The following SLC7A9 variants were observed in gnomAD, a reference collection of about 807,000 sequenced individuals.
The protein encoded by SLC7A9 is B(0,+)-type amino acid transporter 1.
Under a neutral mutation model 54.1 loss-of-function variants are expected in SLC7A9, and 38 were observed. The observed-to-expected ratio is 0.70, with a 90% CI of 0.54 to 0.92. The LOEUF is 0.92. SLC7A9 is among the 40% of genes least tolerant of loss of function. The probability of loss-of-function intolerance (pLI) is 0.00; values close to 1 mark genes in which losing one functional copy is unlikely to be tolerated. For synonymous variants in SLC7A9, 264 were observed against 258.9 expected (o/e 1.02, Z -0.19); for missense variants, 537 against 636.1 (o/e 0.84, Z 1.68).
rs146026293 is a variant in SLC7A9, at chr19:32,839,237, C to T, written c.1224+2931G>A. On this transcript the variant is annotated intron_variant, in intron 11 of 12. Transcript: ENST00000023064. ...CAGTGACTTTTTGGTTTCTGAAGCTCATTCTCTGGGTGATTCCTCAAGGTC... is the reference window on the plus strand; with the variant it reads ...CAGTGACTTTTTGGTTTCTGAAGCTTATTCTCTGGGTGATTCCTCAAGGTC... 1.5e-4 allele frequency among the ~76,000 whole-genome samples: 23 copies of T among 152,172 alleles called. No individual in the cohort carries two copies. The East Asian group carries it at 4.3e-3, about 28-fold the overall frequency.
chr19:32,844,878 A>AAAAAAAAAAAAAAAAAAAAAAAAAAAC (rs1968238945), intron 9 of SLC7A9, among the ~76,000 whole-genome samples: 1 of 149,316 alleles, frequency 6.7e-6, no homozygotes, highest in Non-Finnish European at 1.5e-5. Flanking sequence ...AAAAAAAAAA[A>AAAAAAAAAAAAAAAAAAAAAAAAAAAC]AAAAAGCCAG....
chr19:32,834,186 C>T (rs1967889053), intron 11 of SLC7A9, among the ~76,000 whole-genome samples: 2 of 152,142 alleles, frequency 1.3e-5, no homozygotes, highest in South Asian at 2.1e-4. Flanking sequence ...GGGAATGGGA[C>T]GCCAGTGCTC....
intron 9 of SLC7A9, among the ~76,000 whole-genome samples, chr19:32,848,065 C>A (rs1445564984): frequency 4.8e-3 from 666 of 138,630 alleles, no homozygotes; most frequent in South Asian, 7.7e-3. Flanking sequence ...ACAACCGGTA[C>A]CAGCCACTGC....
intron 11 of SLC7A9, among the ~76,000 whole-genome samples, chr19:32,835,037 A>G (rs6510298): frequency 0.48 from 73,130 of 152,010 alleles, 19,201 homozygotes; most frequent in East Asian, 0.72. Context: ...TGATCTGCCC[A>G]TCTTGGCCTC....
chr19:32,855,878 A>G (rs928333823), intron 9 of SLC7A9, among the ~76,000 whole-genome samples: 32 of 152,128 alleles, frequency 2.1e-4, no homozygotes, highest in African/African-American at 7.7e-4. Flanking sequence ...CTTGCAATGT[A>G]TTTTCCTACT....
chr19:32,834,339 T>A, intron 11 of SLC7A9, among the ~76,000 whole-genome samples: 1 of 152,132 alleles, frequency 6.6e-6, no homozygotes. Context: ...TTAAAGACCA[T>A]AACCTGGAGG....
chr19:32,867,810 T>C (rs182443942), intron 2 of SLC7A9, among the ~76,000 whole-genome samples: 1 of 149,098 alleles, frequency 6.7e-6, no homozygotes, highest in Non-Finnish European at 1.5e-5. Context: ...CCAGGCGTAG[T>C]GGCACATGCC....
Position 32,842,215 on chromosome 19 carries a change from G to A in SLC7A9, c.1177C>T (p.Leu393Phe). The change falls in exon 11 of 13, where the codon CTC becomes TTC. Residue 393 changes from leucine to phenylalanine, a missense_variant. Transcript: ENST00000023064. ...TTCCTTGTAAATCTCATCACGATGAGTCCTAGAATCGTCAGGCCATAAAAC... is the reference window on the plus strand; with the variant it reads ...TTCCTTGTAAATCTCATCACGATGAATCCTAGAATCGTCAGGCCATAAAAC... ...WLFYGLTILG[L>F]IVMRFTRKEL... 1 of 1,614,088 alleles carries A rather than the reference G, an allele frequency of 6.2e-7. No homozygotes were observed. Among genetic ancestry groups the A allele is most frequent in the Non-Finnish European group, 8.5e-7 (1 of 1,179,994 alleles).
chr19:32,865,510 C>G (rs1968941160), intron 2 of SLC7A9, among the ~76,000 whole-genome samples: 3 of 152,268 alleles, frequency 2.0e-5, no homozygotes, highest in Admixed American at 6.5e-5. Flanking sequence ...AGAACAGAAC[C>G]CAGCTCAAAG....
At chr19:32,837,698 C>T (rs918173028) in intron 11 of SLC7A9, among the ~76,000 whole-genome samples, 5 of 152,024 alleles carry the variant, frequency 3.3e-5, no homozygotes, top group African/African-American at 7.2e-5. Flanking sequence ...AGACGTGAGA[C>T]GCTTACACCT....
chr19:32,837,723 G>A (rs1968005112), intron 11 of SLC7A9, among the ~76,000 whole-genome samples: 2 of 152,100 alleles, frequency 1.3e-5, no homozygotes, highest in Admixed American at 1.3e-4. Context: ...CTGTCAGTAC[G>A]CCTACACGTG....
At chr19:32,868,867 A>G (rs1969057039) in intron 1 of SLC7A9, among the ~76,000 whole-genome samples, 1 of 151,618 alleles carries the variant, frequency 6.6e-6, no homozygotes, top group Non-Finnish European at 1.5e-5. Context: ...AAGTCATTCT[A>G]CCTCTATGGT....
Position 32,833,244 on chromosome 19 carries a change from C to T in SLC7A9, c.1304G>A (p.Trp435Ter), listed in dbSNP as rs753324280. 11 of 1,614,028 alleles carry T rather than the reference C, an allele frequency of 6.8e-6. No individual in the cohort carries two copies. The highest frequency in any genetic ancestry group is 1.1e-5 in the South Asian group (1 of 91,088). ...VLAPIISKPT[W>*]EYLYCVLFIL... ...AAACAGCACACAGTAGAGGTACTCC[C>T]AGGTGGGCTTGCTGATGATTGGAGC... Residue 435 changes from tryptophan (W) to a stop codon, truncating the protein, a stop_gained, in exon 12 of 13, where the codon TGG becomes TAG. Transcript: ENST00000023064. LOFTEE classifies it high-confidence loss of function.
chr19:32,833,328 A>G lies in SLC7A9; in HGVS notation c.1225-5T>C, dbSNP rs926998425. The G allele has an allele frequency of 3.7e-6, 6 of 1,614,044 alleles. No individual in the cohort carries two copies. The Admixed American group carries it at 8.3e-5, about 22-fold the overall frequency. On this transcript the variant is annotated splice_polypyrimidine_tract_variant and splice_region_variant and intron_variant, in intron 11 of 12. Coordinates refer to ENST00000023064, the MANE Select transcript of SLC7A9 (RefSeq NM_014270.5). ...GACGGGAATGACTACGGGCACCTGG[A>G]GACGAAAAACAGGTCATGGGTACCC...
Position 32,842,270 on chromosome 19 carries a change from T to A in SLC7A9, c.1122A>T (p.Leu374Phe). Residue 374 changes from leucine (L) to phenylalanine (F), a missense_variant, in exon 11 of 13, where the codon TTA (leucine) becomes TTT (phenylalanine). Physicochemically the swap from Leu to Phe is conservative, Grantham distance 22. Transcript: ENST00000023064. ...IYIIPGDINS[L>F]VNYFSFAAWL... ...ATGCGGCAAAGCTGAAATAATTGAC[T>A]AACGAGTTTATGTCACCAGGGATGA... The A allele has an allele frequency of 6.2e-7, 1 of 1,613,944 alleles. No individual in the cohort carries two copies. The highest frequency in any genetic ancestry group is 8.5e-7 in the Non-Finnish European group (1 of 1,179,812).
intron 10 of SLC7A9, among the ~76,000 whole-genome samples, chr19:32,843,063 G>A (rs1226975189): frequency 6.6e-6 from 1 of 152,036 alleles, no homozygotes; most frequent in Non-Finnish European, 1.5e-5. Flanking sequence ...GGGAAGGAGT[G>A]TAGACCACCC....
Position 32,864,611 on chromosome 19 carries a change from G to T in SLC7A9, c.235+18C>A, listed in dbSNP as rs370860490. On this transcript the variant is annotated intron_variant, in intron 3 of 12. Coordinates refer to ENST00000023064, the MANE Select transcript of SLC7A9 (RefSeq NM_014270.5). Reference sequence around the variant, plus strand: ...CTGCATGCTTCCGGGGCTGCAACAGGCTCCCAAGTCTCTTTACCCAGCGTC... The same window carrying T: ...CTGCATGCTTCCGGGGCTGCAACAGTCTCCCAAGTCTCTTTACCCAGCGTC... 234 of 1,612,050 alleles carry T rather than the reference G, an allele frequency of 1.5e-4. No individual in the cohort carries two copies. The highest frequency in any genetic ancestry group is 5.1e-4 in the Middle Eastern group (3 of 5,868).
intron 4 of SLC7A9, among the ~76,000 whole-genome samples, chr19:32,863,281 C>T (rs1021433314): frequency 6.6e-6 from 1 of 151,696 alleles, no homozygotes; most frequent in Non-Finnish European, 1.5e-5. Context: ...CACCCCCCTC[C>T]CCCGCCCTGC....
In SLC7A9 at chr19:32,862,576, C is replaced by T. The variant is rs1599684806; in HGVS notation, c.489G>A (p.Ser163=). 1.2e-6 allele frequency: 2 copies of T among 1,613,752 alleles called. No individual in the cohort carries two copies. Among genetic ancestry groups the T allele is most frequent in the Non-Finnish European group, 1.7e-6 (2 of 1,180,016 alleles). The change falls in exon 5 of 13, where the codon TCG becomes TCA. Residue 163 remains serine, a synonymous_variant. Coordinates refer to ENST00000023064, the MANE Select transcript of SLC7A9 (RefSeq NM_014270.5). ...GCCGCACGCTCAGTGAGTTCACTGT[C>T]GAGATGAACACTGGAAGGGTGGGGA... ...CLAAAAILFI[S]TVNSLSVRLG...
Sources: allele counts gnomAD v4.1 joint callset (sites outside exome capture counted in the v4.1 genomes callset), GRCh38; gene constraint gnomAD v4.1.1; transcripts MANE v1.5; gene names NCBI Gene and HGNC (gene_info 2026-07-23, HGNC 2026-07-21).